The following FBN1 variants were observed in gnomAD, a reference collection of about 807,000 sequenced individuals.
FBN1 encodes the protein fibrillin-1.
FBN1 carries 29 observed loss-of-function variants against 365.1 expected under a neutral mutation model. The ratio of observed to expected loss-of-function variants is 0.08; its 90% CI spans 0.06 to 0.11. The LOEUF (loss-of-function observed/expected upper bound fraction) is 0.11. Among genes scored for constraint, FBN1 ranks in the 10% least tolerant of loss-of-function variants. FBN1 has a pLI of 1.00. For missense variants in FBN1, 2,476 were observed against 3,703.2 expected (o/e 0.67, Z 8.60); for synonymous variants, 1,210 against 1,270.5 (o/e 0.95, Z 1.01).
At chr15:48,625,306 C>T (rs993815295) in intron 2 of FBN1, among the ~76,000 whole-genome samples, 3 of 152,044 alleles carry the variant, frequency 2.0e-5, no homozygotes, top group African/African-American at 7.2e-5. Flanking sequence ...GGAACCTGAC[C>T]ACAACTTAAA....
intron 2 of FBN1, among the ~76,000 whole-genome samples, chr15:48,638,607 T>C (rs577244448): frequency 1.2e-4 from 16 of 131,688 alleles, no homozygotes; most frequent in African/African-American, 4.4e-4. Flanking sequence ...TCATAAGTGA[T>C]ACATCAGAGC....
chr15:48,469,192 T>C (rs1438641743), intron 36 of FBN1, among the ~76,000 whole-genome samples: 1 of 143,384 alleles, frequency 7.0e-6, no homozygotes, highest in Non-Finnish European at 1.5e-5. Context: ...TCAAGGTAAC[T>C]GAAGGCAAAA....
chr15:48,453,285 T>C (rs796396753), intron 44 of FBN1, among the ~76,000 whole-genome samples: 2 of 16,660 alleles, frequency 1.2e-4, no homozygotes, highest in Non-Finnish European at 2.6e-4. Context: ...AAACAAAAAA[T>C]AAAACAAACA....
At chr15:48,475,342 T>C (rs1397682212) in intron 32 of FBN1, among the ~76,000 whole-genome samples, 1 of 152,156 alleles carries the variant, frequency 6.6e-6, no homozygotes, top group Non-Finnish European at 1.5e-5. Context: ...TTTGTCAGAA[T>C]ATAAGGAATA....
At chr15:48,496,402 T>C (rs1318325647) in intron 19 of FBN1, among the ~76,000 whole-genome samples, 177 bp from the exon 20 acceptor site, 1 of 152,192 alleles carries the variant, frequency 6.6e-6, no homozygotes, top group African/African-American at 2.4e-5. Flanking sequence ...AACAGAGGCT[T>C]GACCTGGTTT....
intron 44 of FBN1, among the ~76,000 whole-genome samples, chr15:48,455,880 C>T (rs373762528): frequency 2.6e-5 from 4 of 152,146 alleles, no homozygotes; most frequent in East Asian, 3.9e-4. Flanking sequence ...TGCTATAATA[C>T]GTGCTCTAAG....
chr15:48,511,391 A>G (rs1275637072), intron 13 of FBN1, among the ~76,000 whole-genome samples: 2 of 152,178 alleles, frequency 1.3e-5, no homozygotes, highest in East Asian at 3.8e-4. Context: ...ACACTCAAAA[A>G]AAAATGGTAA....
At chr15:48,427,988 T>C (rs762338241) in intron 57 of FBN1, 3 of 695,476 alleles carry the variant, frequency 4.3e-6, no homozygotes, top group East Asian at 5.5e-5. Context: ...CAGAAAGACA[T>C]TGGCCTAGAC....
intron 6 of FBN1, among the ~76,000 whole-genome samples, chr15:48,583,721 A>C (rs926456711): frequency 3.9e-5 from 6 of 152,174 alleles, no homozygotes; most frequent in Admixed American, 1.3e-4. Flanking sequence ...TGGGAGAACA[A>C]ATGCTTCCCA....
In FBN1 at chr15:48,474,476, T is replaced by C; in HGVS notation, c.4087+52A>G. Reference sequence around the variant, plus strand: ...ACTTTACATAATTAATATTTTCATATGTGTAATCTATGCAGTCCTTGATAA... The same window carrying C: ...ACTTTACATAATTAATATTTTCATACGTGTAATCTATGCAGTCCTTGATAA... On this transcript the variant is annotated intron_variant, in intron 33 of 65. Transcript: ENST00000316623. 7 of 1,613,704 alleles carry C rather than the reference T, an allele frequency of 4.3e-6. No homozygotes were observed. In the Admixed American group the frequency reaches 8.3e-5, roughly 19 times the overall value.
In FBN1 at chr15:48,452,546, G is replaced by A; in HGVS notation, c.5545+16C>T. ...ACTCTTGGGTAGGCATGTCCAGCCT[G>A]TGGGGCACTACATACCATTGCACTG... On this transcript the variant is annotated intron_variant, in intron 45 of 65. Coordinates refer to ENST00000316623, the MANE Select transcript of FBN1 (RefSeq NM_000138.5). 2 of 1,613,986 alleles carry A rather than the reference G, an allele frequency of 1.2e-6. No individual in the cohort carries two copies. The highest frequency in any genetic ancestry group is 1.7e-5 in the Admixed American group (1 of 60,020).
chr15:48,455,976 T>G (rs2043235060), intron 44 of FBN1, among the ~76,000 whole-genome samples: 1 of 152,218 alleles, frequency 6.6e-6, no homozygotes, highest in African/African-American at 2.4e-5. Flanking sequence ...CCAACTATCC[T>G]GGGCACATGG....
chr15:48,416,092 C>G (rs1232429173), intron 63 of FBN1, among the ~76,000 whole-genome samples: 1 of 152,200 alleles, frequency 6.6e-6, no homozygotes, highest in Non-Finnish European at 1.5e-5. Context: ...ATCTTCTGCT[C>G]CATGTAAACA....
At chr15:48,455,355 T>G (rs576124506) in intron 44 of FBN1, among the ~76,000 whole-genome samples, 2 of 152,346 alleles carry the variant, frequency 1.3e-5, no homozygotes, top group African/African-American at 4.8e-5. Flanking sequence ...CTATGGGTTC[T>G]GGCCAAGGCC....
At chr15:48,476,143 C>G (rs1038010909) in intron 32 of FBN1, among the ~76,000 whole-genome samples, 3 of 152,164 alleles carry the variant, frequency 2.0e-5, no homozygotes, top group Non-Finnish European at 4.4e-5. Context: ...GCTAAGTAGG[C>G]ACAGGAATTC....
chr15:48,614,866 C>A (rs1018995557), intron 2 of FBN1, among the ~76,000 whole-genome samples: 1 of 152,050 alleles, frequency 6.6e-6, no homozygotes, highest in African/African-American at 2.4e-5. Context: ...CATCTTCTGA[C>A]CCAGGTTACT....
chr15:48,559,608 T>G (rs1293678130), intron 6 of FBN1, among the ~76,000 whole-genome samples: 1 of 152,014 alleles, frequency 6.6e-6, no homozygotes, highest in African/African-American at 2.4e-5. Context: ...AAGGAAACAG[T>G]GTAAATTCCC....
At chr15:48,467,639 A>G (rs117522595) in intron 38 of FBN1, among the ~76,000 whole-genome samples, 393 of 152,318 alleles carry the variant, frequency 2.6e-3, no homozygotes, top group Non-Finnish European at 4.9e-3. Context: ...GAGATAATCA[A>G]TGTGTCCCTG....
intron 2 of FBN1, among the ~76,000 whole-genome samples, chr15:48,635,790 C>T (rs1890081033): frequency 6.6e-6 from 1 of 152,158 alleles, no homozygotes; most frequent in African/African-American, 2.4e-5. Context: ...TCATTTTATT[C>T]CTGACAGTTG....
Sources: gnomAD v4.1 joint callset for allele counts (sites outside exome capture counted in the v4.1 genomes callset) on GRCh38, gnomAD v4.1.1 for gene constraint, MANE v1.5 for transcripts, NCBI Gene and HGNC (gene_info 2026-07-23, HGNC 2026-07-21) for gene names.